BIRC5: variants seen among roughly 807,000 people sequenced by gnomAD.
BIRC5 encodes the protein baculoviral IAP repeat-containing protein 5.
A neutral mutation model predicts 15.8 loss-of-function variants in BIRC5; 8 were observed. The observed-to-expected ratio is 0.51, with a 90% confidence interval of 0.30 to 0.91. The LOEUF (loss-of-function observed/expected upper bound fraction) is 0.91, where lower values mean the gene tolerates loss of function less well. Ranked by LOEUF, BIRC5 falls within the 40% of genes least tolerant of loss-of-function variation. The pLI, the probability that BIRC5 is intolerant of heterozygous loss-of-function variation, is 0.07. For synonymous variants in BIRC5, 56 were observed against 64.5 expected, an observed-to-expected ratio of 0.87 and a Z score of 0.63; for missense variants, 163 against 178.6, an observed-to-expected ratio of 0.91 and a Z score of 0.50.
rs538731180 is a variant in BIRC5, at chr17:78,214,534, C to T, written c.111+107C>T. On this transcript the variant is annotated intron_variant, in intron 1 of 3. Transcript: ENST00000350051. Reference sequence around the variant, plus strand: ...GTACAAGCCGCCCTCCCCTCCCCGTCCTGTCCCCAGCGAGGCCACTGTGGC... The same window carrying T: ...GTACAAGCCGCCCTCCCCTCCCCGTTCTGTCCCCAGCGAGGCCACTGTGGC... The T allele has an allele frequency of 1.0e-3, 1,309 of 1,268,202 alleles. 29 individuals carry two copies. In the South Asian group the frequency reaches 0.019, roughly 18 times the overall value. The allele number at this position is 1,268,202 out of a possible 1,614,324, so 78.6% of individuals were successfully genotyped here. A position where few individuals can be genotyped will look rare whatever the true frequency, so the allele number is the denominator to read the frequency against.
chr17:78,216,466 A>G (rs1244757453), intron 2 of BIRC5, 198 bp from the exon 3 acceptor site: 4 of 538,610 alleles, frequency 7.4e-6, no homozygotes, highest in East Asian at 3.1e-5. Context: ...GTCCACAGGG[A>G]GAGAGAAGGT....
Position 78,222,710 on chromosome 17 carries a change from A to G in BIRC5, c.340-755A>G, listed in dbSNP as rs1054526819. ...TTAAGTTAACCTCTGTCAGCAAACA[A>G]ATTTAACCCAATAAAGGTCTTTGTT... On this transcript the variant is annotated intron_variant, in intron 3 of 3. Coordinates refer to ENST00000350051, the MANE Select transcript of BIRC5 (RefSeq NM_001168.3). 5 of 1,367,132 alleles carry G rather than the reference A, an allele frequency of 3.7e-6. No individual in the cohort carries two copies. In the African/African-American group the frequency reaches 7.4e-5, roughly 20 times the overall value. 84.7% of individuals were successfully genotyped at this position (1,367,132 alleles called of 1,614,324 possible).
chr17:78,223,089 G>T, intron 3 of BIRC5: 1 of 1,208,626 alleles, frequency 8.3e-7, no homozygotes. Flanking sequence ...AGACTAGCTG[G>T]GTACTTTGAG....
chr17:78,223,441 CAT>C, intron 3 of BIRC5, 22 bp from the exon 4 acceptor site: 1 of 1,561,590 alleles, frequency 6.4e-7, no homozygotes, highest in Non-Finnish European at 8.7e-7. Flanking sequence ...GTTTCAGTGT[CAT>C]GTGTCTATTC....
At position 78,223,767 on chromosome 17, in the gene BIRC5, T is replaced by G; in HGVS notation, c.*213T>G. The G allele has an allele frequency of 9.4e-7, 1 of 1,067,774 alleles. No individual in the cohort carries two copies. Among genetic ancestry groups the G allele is most frequent in the South Asian group, 2.3e-5 (1 of 43,214 alleles). The allele number at this position is 1,067,774 out of a possible 1,614,324, so 66.1% of individuals were successfully genotyped here. A position where few individuals can be genotyped will look rare whatever the true frequency, so the allele number is the denominator to read the frequency against. ...GTGCAGCGGGTGCTGCTGGTAACAG[T>G]GGCTGCTTCTCTCTCTCTCTCTCTT... On this transcript the variant is annotated 3_prime_UTR_variant, in exon 4 of 4. Coordinates refer to ENST00000350051, the MANE Select transcript of BIRC5 (RefSeq NM_001168.3).
chr17:78,220,224 C>G (rs1201937151), intron 3 of BIRC5, among the ~76,000 whole-genome samples: 1 of 152,060 alleles, frequency 6.6e-6, no homozygotes, highest in African/African-American at 2.4e-5. Context: ...GTCAGGAGAT[C>G]GAGACCATCC....
At chr17:78,216,630 A>G in intron 2 of BIRC5, 34 bp from the exon 3 acceptor site, 1 of 1,600,342 alleles carries the variant, frequency 6.2e-7, no homozygotes. Context: ...TAATCCCTTC[A>G]GCTGCCTTTC....
chr17:78,224,040 GT>G lies in BIRC5; in HGVS notation c.*493del. The G allele has an allele frequency of 7.7e-6, 1 of 129,772 alleles. No homozygotes were observed. Among genetic ancestry groups the G allele is most frequent in the East Asian group, 2.1e-4 (1 of 4,876 alleles). The allele number at this position is 129,772 out of a possible 1,614,324, so 8.0% of individuals were successfully genotyped here. ...CACACCTGTGCCTCCTCAGAGGACAGTTTTTTTGTTGTTGTGTTTTTTTGTT... is the reference window on the plus strand; with the variant it reads ...CACACCTGTGCCTCCTCAGAGGACAGTTTTTTGTTGTTGTGTTTTTTTGTT... On this transcript the variant is annotated 3_prime_UTR_variant, in exon 4 of 4. Transcript: ENST00000350051.
intron 2 of BIRC5, 49 bp from the exon 3 acceptor site, chr17:78,216,615 C>A (rs193282345): frequency 1.3e-6 from 2 of 1,558,238 alleles, no homozygotes; most frequent in Admixed American, 1.7e-5. Context: ...AGTGGACTGC[C>A]GCTTTAATCC....
intron 2 of BIRC5, chr17:78,215,847 G>GT: frequency 9.6e-7 from 1 of 1,041,248 alleles, no homozygotes; most frequent in Non-Finnish European, 1.2e-6. Context: ...TGCAGTTCTG[G>GT]TAACGGTGAT....
chr17:78,223,588 G>A lies in BIRC5; in HGVS notation c.*34G>A, dbSNP rs2076529467. 1.2e-6 allele frequency: 2 copies of A among 1,613,050 alleles called. No homozygotes were observed. The highest frequency in any genetic ancestry group is 8.5e-7 in the Non-Finnish European group (1 of 1,179,510). On this transcript the variant is annotated 3_prime_UTR_variant, in exon 4 of 4. Coordinates refer to ENST00000350051, the MANE Select transcript of BIRC5 (RefSeq NM_001168.3). ...GCCGGAGCTGCCTGGTCCCAGAGTGGCTGCACCACTTCCAGGGTTTATTCC... is the reference window on the plus strand; with the variant it reads ...GCCGGAGCTGCCTGGTCCCAGAGTGACTGCACCACTTCCAGGGTTTATTCC...
chr17:78,215,361 G>A (rs2076470404), intron 2 of BIRC5, among the ~76,000 whole-genome samples: 1 of 151,738 alleles, frequency 6.6e-6, no homozygotes, highest in South Asian at 2.1e-4. Flanking sequence ...AGGTTGCAGT[G>A]AGCCGAGATT....
chr17:78,215,338 A>G lies in BIRC5; in HGVS notation c.221+549A>G, dbSNP rs576905741. Among the ~76,000 whole-genome samples, 3 of 152,040 alleles carry G rather than the reference A, an allele frequency of 2.0e-5. No individual in the cohort carries two copies. The South Asian group carries it at 6.2e-4, about 32-fold the overall frequency. On this transcript the variant is annotated intron_variant, in intron 2 of 3. Transcript: ENST00000350051. The stretch of plus-strand genomic sequence containing the variant: ...AGGCTAAGGCAGGAGAATCGCTTGA[A>G]CCTGGGAGGCGGAGGTTGCAGTGAG...
At position 78,223,971 on chromosome 17, in the gene BIRC5, T is replaced by G. The variant is rs1211555877; in HGVS notation, c.*417T>G. On this transcript the variant is annotated 3_prime_UTR_variant, in exon 4 of 4. Coordinates refer to ENST00000350051, the MANE Select transcript of BIRC5 (RefSeq NM_001168.3). ...GGCTGTCACAGTCCTGAGTGTGGAC[T>G]TGGCAGGTGCCTGTTGAATCTGAGC... 1 of 204,712 alleles carries G rather than the reference T, an allele frequency of 4.9e-6. No homozygotes were observed. Among genetic ancestry groups the G allele is most frequent in the African/African-American group, 2.3e-5 (1 of 43,428 alleles). 12.7% of individuals were successfully genotyped at this position (204,712 alleles called of 1,614,324 possible).
chr17:78,217,234 G>T lies in BIRC5; in HGVS notation c.339+453G>T, dbSNP rs1258765317. On this transcript the variant is annotated intron_variant, in intron 3 of 3. Coordinates refer to ENST00000350051, the MANE Select transcript of BIRC5 (RefSeq NM_001168.3). ...TCTGTTACCCAGGCTGGAGTGGGGT[G>T]GCCTGATCTCGGATCACTGCAACCT... 3.3e-5 allele frequency among the ~76,000 whole-genome samples: 5 copies of T among 150,526 alleles called. No individual in the cohort carries two copies. In the East Asian group the frequency reaches 9.7e-4, roughly 29 times the overall value.
Position 78,225,611 on chromosome 17 carries a change from A to G in BIRC5, c.*2057A>G, listed in dbSNP as rs74532139. 6.6e-6 allele frequency: 1 copy of G among 152,350 alleles called. No homozygotes were observed. The highest frequency in any genetic ancestry group is 1.5e-5 in the Non-Finnish European group (1 of 68,038). 9.4% of individuals were successfully genotyped at this position (152,350 alleles called of 1,614,324 possible). On this transcript the variant is annotated 3_prime_UTR_variant, in exon 4 of 4. Coordinates refer to ENST00000350051, the MANE Select transcript of BIRC5 (RefSeq NM_001168.3). ...TGGAAAGAGTAACTCACAATTGCCAATAAAGTCTCATGTGGTTTTATCTAC... is the reference window on the plus strand; with the variant it reads ...TGGAAAGAGTAACTCACAATTGCCAGTAAAGTCTCATGTGGTTTTATCTAC...
intron 3 of BIRC5, among the ~76,000 whole-genome samples, chr17:78,217,121 G>A (rs984960649): frequency 2.0e-4 from 30 of 148,664 alleles, no homozygotes; most frequent in South Asian, 2.1e-4. Context: ...CTCGTGATTC[G>A]CCCACCTTGG....
intron 3 of BIRC5, chr17:78,222,934 G>T (rs1309002369): frequency 1.3e-6 from 2 of 1,531,406 alleles, no homozygotes; most frequent in Non-Finnish European, 1.7e-6. Context: ...GCCAGGGTCT[G>T]TTTAACTGGA....
rs2076496234 is a variant in BIRC5 at position 78,218,604 on chromosome 17, T to C, written c.339+1823T>C. ...CATGCGTGGTCTTTTTAAAATTTTTTGATTTTTTTTTTTTTTGAGACAGAG... is the reference window on the plus strand; with the variant it reads ...CATGCGTGGTCTTTTTAAAATTTTTCGATTTTTTTTTTTTTTGAGACAGAG... On this transcript the variant is annotated intron_variant, in intron 3 of 3. Transcript: ENST00000350051. Among the ~76,000 whole-genome samples, 5 of 149,518 alleles carry C rather than the reference T, an allele frequency of 3.3e-5. No individual in the cohort carries two copies. The South Asian group carries it at 1.1e-3, about 31-fold the overall frequency.
Sources: allele counts gnomAD v4.1 joint callset (sites outside exome capture counted in the v4.1 genomes callset), GRCh38; gene constraint gnomAD v4.1.1; transcripts MANE v1.5; gene names NCBI Gene and HGNC (gene_info 2026-07-23, HGNC 2026-07-21).